Variants in NAA60 observed in about 807,000 individuals in gnomAD.
NAA60 encodes N-alpha-acetyltransferase 60, NatF catalytic subunit, also known as N-alpha-acetyltransferase 60.
Under a neutral mutation model 26.1 loss-of-function variants are expected in NAA60, and 8 were observed. The observed-to-expected ratio is 0.31, with a 90% CI of 0.18 to 0.55. The LOEUF (loss-of-function observed/expected upper bound fraction) is 0.55, where lower values mean the gene tolerates loss of function less well. Among genes scored for constraint, NAA60 ranks in the 20% least tolerant of loss-of-function variants. The probability of loss-of-function intolerance (pLI) is 0.93; values close to 1 mark genes in which losing one functional copy is unlikely to be tolerated. For missense variants in NAA60, 290 were observed against 311.3 expected, an observed-to-expected ratio of 0.93 and a Z score of 0.51; for synonymous variants, 131 against 122.5, an observed-to-expected ratio of 1.07 and a Z score of -0.46.
chr16:3,457,606 C>G (rs975077252), intron 2 of NAA60, among the ~76,000 whole-genome samples: 1 of 152,216 alleles, frequency 6.6e-6, no homozygotes, highest in African/African-American at 2.4e-5. Context: ...CAGCTGGCTC[C>G]GGGTGGTCGG....
rs1286004262 is a variant in NAA60 at position 3,484,903 on chromosome 16, G to C, written c.*48G>C. On this transcript the variant is annotated 3_prime_UTR_variant, in exon 7 of 8. Transcript: ENST00000407558. Reference sequence around the variant, plus strand: ...AGGCCCCACCCTTCGGCCGCCCGCAGAGCCCGCCTTCCTGTCCATCTGACC... The same window carrying C: ...AGGCCCCACCCTTCGGCCGCCCGCACAGCCCGCCTTCCTGTCCATCTGACC... The C allele has an allele frequency of 1.3e-6, 2 of 1,548,596 alleles. No homozygotes were observed. Among genetic ancestry groups the C allele is most frequent in the Admixed American group, 3.9e-5 (2 of 51,020 alleles).
chr16:3,457,458 C>G (rs979404411), intron 2 of NAA60, among the ~76,000 whole-genome samples: 2 of 152,184 alleles, frequency 1.3e-5, no homozygotes, highest in Non-Finnish European at 2.9e-5. Flanking sequence ...ACAAAAACTT[C>G]GCGTTAGATC....
chr16:3,485,967 T>TATTA lies in NAA60; in HGVS notation c.*707_*708insATTA. On this transcript the variant is annotated 3_prime_UTR_variant, in exon 8 of 8. Coordinates refer to ENST00000407558, the MANE Select transcript of NAA60 (RefSeq NM_001083601.3). ...TTACCAGTGCCCTGGGAGGTCACAC[T>TATTA]GCCCGTCGGACCTTGGCATGCTCCA... 1 of 294,636 alleles carries TATTA rather than the reference T, an allele frequency of 3.4e-6. No homozygotes were observed. Among genetic ancestry groups the TATTA allele is most frequent in the Non-Finnish European group, 6.7e-6 (1 of 148,534 alleles). The allele number at this position is 294,636 out of a possible 1,614,324, so 18.3% of individuals were successfully genotyped here.
At chr16:3,445,875 A>G (rs1189844924) in intron 1 of NAA60, among the ~76,000 whole-genome samples, 1 of 152,208 alleles carries the variant, frequency 6.6e-6, no homozygotes, top group East Asian at 1.9e-4. Context: ...AGAAGGAGGA[A>G]GCTTGAAAGC....
Position 3,476,272 on chromosome 16 carries a change from G to A in NAA60, c.45G>A (p.Leu15=), listed in dbSNP as rs377742236. Residue 15 remains leucine, a synonymous_variant, in exon 3 of 8, where the codon CTG becomes CTA. Transcript: ENST00000407558. ...VPSSALSEVS[L]RLLCHDDIDT... is the part of the protein sequence containing the mutation. ...CCAGCGCGCTCAGCGAGGTCAGCCT[G>A]CGCCTCCTCTGCCACGATGACATAG... 4 of 1,613,860 alleles carry A rather than the reference G, an allele frequency of 2.5e-6. No homozygotes were observed. In the African/African-American group the frequency reaches 5.3e-5, roughly 22 times the overall value.
chr16:3,458,379 G>A, intron 2 of NAA60, among the ~76,000 whole-genome samples: 2 of 152,140 alleles, frequency 1.3e-5, no homozygotes, highest in South Asian at 4.1e-4. Context: ...CGGCGGCGGG[G>A]AGTGGGCGCT....
intron 2 of NAA60, among the ~76,000 whole-genome samples, chr16:3,452,517 A>G (rs753466300): frequency 2.0e-4 from 30 of 151,636 alleles, no homozygotes; most frequent in Non-Finnish European, 3.4e-4. Flanking sequence ...TTAACCGGGC[A>G]TGGTGGCAGG....
intron 2 of NAA60, among the ~76,000 whole-genome samples, chr16:3,458,784 C>T (rs1456536540): frequency 1.3e-5 from 2 of 152,090 alleles, no homozygotes; most frequent in African/African-American, 4.8e-5. Context: ...CTTTACAGAC[C>T]GGCCCTACAG....
intron 3 of NAA60, among the ~76,000 whole-genome samples, chr16:3,477,199 C>A (rs142730626): frequency 6.6e-6 from 1 of 152,184 alleles, no homozygotes; most frequent in East Asian, 1.9e-4. Flanking sequence ...GGGGTATGTA[C>A]CATTTAACAG....
rs2034437966 is a variant in NAA60, at chr16:3,443,828, G to C, written c.-86G>C. On this transcript the variant is annotated 5_prime_UTR_variant, in exon 1 of 8. Transcript: ENST00000407558. ...GACACCGGAACTCGAAAGAAAATCG[G>C]TAACAAAATGTGGGTTCGGCCAACA... The C allele has an allele frequency of 5.9e-6, 9 of 1,534,434 alleles. No homozygotes were observed. The highest frequency in any genetic ancestry group is 7.0e-6 in the Non-Finnish European group (8 of 1,146,236).
chr16:3,457,188 G>A (rs1227811666), intron 2 of NAA60, among the ~76,000 whole-genome samples: 1 of 152,192 alleles, frequency 6.6e-6, no homozygotes, highest in African/African-American at 2.4e-5. Context: ...GCTCACGTCA[G>A]TAATCCCAGT....
intron 2 of NAA60, among the ~76,000 whole-genome samples, chr16:3,467,273 G>A (rs141458274): frequency 6.6e-6 from 1 of 152,086 alleles, no homozygotes; most frequent in African/African-American, 2.4e-5. Context: ...CAGGGTCTGG[G>A]AGCATGTTAG....
rs1049221398 is a variant in NAA60 at position 3,478,654 on chromosome 16, A to C, written c.111-817A>C. 3.9e-5 allele frequency among the ~76,000 whole-genome samples: 6 copies of C among 152,118 alleles called. No homozygotes were observed. In the South Asian group the frequency reaches 1.2e-3, roughly 31 times the overall value. On this transcript the variant is annotated intron_variant, in intron 3 of 7. Coordinates refer to ENST00000407558, the MANE Select transcript of NAA60 (RefSeq NM_001083601.3). Reference sequence around the variant, plus strand: ...GGTCTTGGCCTCATTGTTGATGAGCAGCCGTTAGCAGCCTCAGCCTCACAT... The same window carrying C: ...GGTCTTGGCCTCATTGTTGATGAGCCGCCGTTAGCAGCCTCAGCCTCACAT...
At chr16:3,465,376 GTCC>G (rs2035685899) in intron 2 of NAA60, among the ~76,000 whole-genome samples, 1 of 134,464 alleles carries the variant, frequency 7.4e-6, no homozygotes, top group Admixed American at 7.8e-5. Context: ...TTAGCGTTCT[GTCC>G]TTCTCTTGGG....
At chr16:3,458,922 C>G (rs1235846533) in intron 2 of NAA60, among the ~76,000 whole-genome samples, 1 of 152,074 alleles carries the variant, frequency 6.6e-6, no homozygotes, top group Non-Finnish European at 1.5e-5. Context: ...CTTCTCTGGA[C>G]GACCACCCAC....
chr16:3,456,839 G>A (rs1168512819), intron 2 of NAA60: 2 of 152,194 alleles, frequency 1.3e-5, no homozygotes, highest in Non-Finnish European at 2.9e-5. Context: ...GCGCAGGCTG[G>A]AGTGCAGTGG....
chr16:3,485,738 AAG>A lies in NAA60; in HGVS notation c.*479_*480del. 1 of 454,822 alleles carries A rather than the reference AAG, an allele frequency of 2.2e-6. No homozygotes were observed. Among genetic ancestry groups the A allele is most frequent in the South Asian group, 1.6e-5 (1 of 64,470 alleles). The allele number at this position is 454,822 out of a possible 1,614,324, so 28.2% of individuals were successfully genotyped here. On this transcript the variant is annotated 3_prime_UTR_variant, in exon 8 of 8. Transcript: ENST00000407558. ...AGCCTCGGAACAAGGGGGCGCAATA[AAG>A]GGAATGGCCCGTCCCCTTCCAGAAC... is the stretch of plus-strand genomic sequence containing the variant.
chr16:3,476,061 C>T (rs2036460906), intron 2 of NAA60, 161 bp from the exon 3 acceptor site: 1 of 596,680 alleles, frequency 1.7e-6, no homozygotes, highest in Non-Finnish European at 2.9e-6. Flanking sequence ...TGCAGCGCCT[C>T]TTGGGAGGGC....
intron 2 of NAA60, among the ~76,000 whole-genome samples, chr16:3,460,258 G>A (rs530773883): frequency 5.8e-4 from 89 of 152,274 alleles, no homozygotes; most frequent in African/African-American, 2.0e-3. Context: ...TTCTTAAATG[G>A]CAGCTCCTCC....
Sources: allele counts gnomAD v4.1 joint callset (sites outside exome capture counted in the v4.1 genomes callset), GRCh38; gene constraint gnomAD v4.1.1; transcripts MANE v1.5; gene names NCBI Gene and HGNC (gene_info 2026-07-23, HGNC 2026-07-21).